Variants in SLIT1 observed in about 807,000 individuals in gnomAD.
SLIT1 encodes the protein slit homolog 1 protein.
SLIT1 carries 66 observed loss-of-function variants against 186.1 expected under a neutral mutation model. The ratio of observed to expected loss-of-function variants is 0.35; its 90% CI spans 0.29 to 0.44. The LOEUF is 0.44. SLIT1 is among the 20% of genes least tolerant of loss of function. The pLI, the probability that SLIT1 is intolerant of heterozygous loss-of-function variation, is 1.00. For synonymous variants in SLIT1, 761 were observed against 833.8 expected (o/e 0.91, Z 1.50); for missense variants, 1,638 against 2,037.4 (o/e 0.80, Z 3.77).
At chr10:97,057,882 A>G in intron 11 of SLIT1, 1 of 676,038 alleles carries the variant, frequency 1.5e-6, no homozygotes, top group Admixed American at 2.1e-5. Flanking sequence ...CAGTGAAAAC[A>G]TCCAGGAGGT....
intron 1 of SLIT1, among the ~76,000 whole-genome samples, chr10:97,178,611 A>C (rs1183144299): frequency 2.0e-5 from 3 of 152,238 alleles, no homozygotes; most frequent in African/African-American, 7.2e-5. Flanking sequence ...TGAATTCTGG[A>C]GTAGAGAATA....
At chr10:97,057,319 G>A (rs1343390371) in intron 11 of SLIT1, 38 bp from the exon 12 acceptor site, 1 of 1,569,264 alleles carries the variant, frequency 6.4e-7, no homozygotes, top group East Asian at 2.2e-5. Flanking sequence ...TTAGAGGACA[G>A]CCCACCAGGG....
intron 1 of SLIT1, among the ~76,000 whole-genome samples, chr10:97,173,558 G>A (rs1459692737): frequency 6.7e-6 from 1 of 148,154 alleles, no homozygotes; most frequent in African/African-American, 2.5e-5. Context: ...GAGTGCAGGG[G>A]CATGATCACA....
intron 4 of SLIT1, among the ~76,000 whole-genome samples, chr10:97,139,254 A>C (rs956504657): frequency 1.3e-5 from 2 of 152,214 alleles, no homozygotes; most frequent in African/African-American, 4.8e-5. Flanking sequence ...CAGGAGTCTA[A>C]GACTAGCTGC....
chr10:97,018,047 C>T (rs1848469247), intron 28 of SLIT1, among the ~76,000 whole-genome samples: 1 of 152,058 alleles, frequency 6.6e-6, no homozygotes, highest in African/African-American at 2.4e-5. Context: ...TGGGGTTTCA[C>T]TATGTTGGCC....
At chr10:97,171,710 T>G (rs1373882498) in intron 1 of SLIT1, among the ~76,000 whole-genome samples, 1 of 151,962 alleles carries the variant, frequency 6.6e-6, no homozygotes, top group Non-Finnish European at 1.5e-5. Flanking sequence ...TCCCAGCCAC[T>G]TGGGAGGCTG....
At chr10:97,107,639 A>C (rs1230781533) in intron 4 of SLIT1, among the ~76,000 whole-genome samples, 1 of 152,186 alleles carries the variant, frequency 6.6e-6, no homozygotes, top group Non-Finnish European at 1.5e-5. Context: ...GGAAATTGCA[A>C]GGAAATGCAC....
chr10:97,008,302 A>G (rs947400725), intron 31 of SLIT1, among the ~76,000 whole-genome samples: 12 of 152,268 alleles, frequency 7.9e-5, no homozygotes, highest in African/African-American at 2.7e-4. Flanking sequence ...TGCAAAACTT[A>G]TACTTTGAAA....
intron 1 of SLIT1, among the ~76,000 whole-genome samples, chr10:97,172,263 C>A (rs1286701036): frequency 2.0e-5 from 3 of 152,130 alleles, no homozygotes; most frequent in Non-Finnish European, 4.4e-5. Context: ...CCAGGCTGAT[C>A]TCCAACTCCT....
chr10:97,133,004 C>T (rs1339774255), intron 4 of SLIT1, among the ~76,000 whole-genome samples: 1 of 152,178 alleles, frequency 6.6e-6, no homozygotes, highest in African/African-American at 2.4e-5. Flanking sequence ...AAACAGTCAC[C>T]AGCTAACGTC....
chr10:97,027,990 G>A (rs749689777), intron 25 of SLIT1, among the ~76,000 whole-genome samples: 7 of 152,134 alleles, frequency 4.6e-5, no homozygotes, highest in Non-Finnish European at 8.8e-5. Flanking sequence ...GTGGACACTC[G>A]GCTATGCCCA....
At position 97,019,124 on chromosome 10, in the gene SLIT1, G is replaced by A; in HGVS notation, c.2747-17C>T. 6.6e-7 allele frequency: 1 copy of A among 1,526,590 alleles called. No individual in the cohort carries two copies. The highest frequency in any genetic ancestry group is 9.1e-7 in the Non-Finnish European group (1 of 1,100,748). The allele number at this position is 1,526,590 out of a possible 1,614,324, so 94.6% of individuals were successfully genotyped here. ...TTGGAGGACCTGCAGCAAGGGGAGGGTGCTAGTGCAGGGGGAGGGGTGGGC... is the reference window on the plus strand; with the variant it reads ...TTGGAGGACCTGCAGCAAGGGGAGGATGCTAGTGCAGGGGGAGGGGTGGGC... On this transcript the variant is annotated splice_polypyrimidine_tract_variant and intron_variant, in intron 26 of 36. Coordinates refer to ENST00000266058, the MANE Select transcript of SLIT1 (RefSeq NM_003061.3).
chr10:97,089,405 G>C (rs1053708890), intron 4 of SLIT1, among the ~76,000 whole-genome samples: 1 of 152,180 alleles, frequency 6.6e-6, no homozygotes, highest in African/African-American at 2.4e-5. Flanking sequence ...CAAATGAAAA[G>C]AACGCAGCGT....
At chr10:97,039,243 T>C (rs1848668664) in intron 21 of SLIT1, among the ~76,000 whole-genome samples, 1 of 152,222 alleles carries the variant, frequency 6.6e-6, no homozygotes, top group African/African-American at 2.4e-5. Flanking sequence ...GGTCAGGAGC[T>C]GGCCAGAGTC....
rs576746878 is a variant in SLIT1, at chr10:97,121,645, G to A, written c.413+36173C>T. Reference sequence around the variant, plus strand: ...CCTAATCACACACCAGAAAACCCTCGGGCTAAGTGCAGCGTGATTCTGCAA... The same window carrying A: ...CCTAATCACACACCAGAAAACCCTCAGGCTAAGTGCAGCGTGATTCTGCAA... On this transcript the variant is annotated intron_variant, in intron 4 of 36. Coordinates refer to ENST00000266058, the MANE Select transcript of SLIT1 (RefSeq NM_003061.3). 5.4e-4 allele frequency among the ~76,000 whole-genome samples: 82 copies of A among 152,136 alleles called. 1 individual carries two copies. In the South Asian group the frequency reaches 0.015, roughly 29 times the overall value.
At chr10:97,061,138 G>T (rs1182278163) in intron 8 of SLIT1, among the ~76,000 whole-genome samples, 1 of 152,228 alleles carries the variant, frequency 6.6e-6, no homozygotes, top group African/African-American at 2.4e-5. Context: ...CCATGAGGGT[G>T]ATAATGTTTC....
chr10:97,038,591 A>T (rs892537456), intron 21 of SLIT1, among the ~76,000 whole-genome samples: 3 of 152,052 alleles, frequency 2.0e-5, no homozygotes, highest in African/African-American at 7.2e-5. Context: ...ATTGTTGACC[A>T]TTCATGCCTC....
intron 4 of SLIT1, among the ~76,000 whole-genome samples, chr10:97,098,618 C>T (rs536090182): frequency 5.9e-5 from 9 of 152,286 alleles, no homozygotes; most frequent in African/African-American, 1.7e-4. Flanking sequence ...CCTTTGAATG[C>T]CATGTAAGGG....
chr10:97,051,175 C>T (rs984534190), intron 13 of SLIT1, among the ~76,000 whole-genome samples: 2 of 150,168 alleles, frequency 1.3e-5, no homozygotes, highest in Admixed American at 6.6e-5. Context: ...GGCAGAGGCT[C>T]AAAAGCATTA....
Sources: gnomAD v4.1 joint callset for allele counts (sites outside exome capture counted in the v4.1 genomes callset) on GRCh38, gnomAD v4.1.1 for gene constraint, MANE v1.5 for transcripts, NCBI Gene and HGNC (gene_info 2026-07-23, HGNC 2026-07-21) for gene names.